The following SLC10A7 variants were observed in gnomAD, a reference collection of about 807,000 sequenced individuals.
SLC10A7 encodes the protein solute carrier family 10 member 7, also known as sodium/bile acid cotransporter 7.
SLC10A7 carries 29 observed loss-of-function variants against 43.2 expected under a neutral mutation model. The ratio of observed to expected loss-of-function variants is 0.67; its 90% confidence interval spans 0.50 to 0.92. The LOEUF (loss-of-function observed/expected upper bound fraction) is 0.92, where lower values mean the gene tolerates loss of function less well. Ranked by LOEUF, SLC10A7 falls within the 40% of genes least tolerant of loss-of-function variation. The pLI is 0.00. For synonymous variants in SLC10A7, 152 were observed against 144.8 expected (o/e 1.05, Z -0.35); for missense variants, 295 against 403.2 (o/e 0.73, Z 2.30).
intron 5 of SLC10A7, among the ~76,000 whole-genome samples, chr4:146,389,928 A>T (rs1333829732): frequency 6.6e-6 from 1 of 152,232 alleles, no homozygotes; most frequent in African/African-American, 2.4e-5. Flanking sequence ...CACTTAGCAC[A>T]GTTGCCTAGC....
At chr4:146,510,538 C>T (rs143554602) in intron 2 of SLC10A7, among the ~76,000 whole-genome samples, 35 of 152,248 alleles carry the variant, frequency 2.3e-4, no homozygotes, top group Non-Finnish European at 4.4e-4. Flanking sequence ...GGATTACAGG[C>T]ATGAGCCACC....
intron 5 of SLC10A7, among the ~76,000 whole-genome samples, chr4:146,360,911 C>T (rs1174061968): frequency 1.3e-5 from 2 of 152,094 alleles, no homozygotes; most frequent in African/African-American, 4.8e-5. Context: ...TTAGGTCACC[C>T]CCCGGCTCAC....
intron 5 of SLC10A7, among the ~76,000 whole-genome samples, chr4:146,368,370 A>C (rs2244321): frequency 0.011 from 1,662 of 152,312 alleles, 25 homozygotes; most frequent in African/African-American, 0.037. Context: ...TAAGAGTTTG[A>C]AAGCTTAACA....
In SLC10A7 at chr4:146,256,495, A is replaced by G. The variant is rs771851926; in HGVS notation, c.1019T>C (p.Val340Ala). ...QKGVKLTRPTV is the reference protein window; with the variant it reads ...QKGVKLTRPTA ...ACAGAAAGTCCACCTCCTTTGTTAT[A>G]CTGTCGGCCTTGTCAGCTTCACTCC... The change falls in exon 12 of 12, where the codon GTA becomes GCA. Residue 340 changes from valine to alanine, a missense_variant. By Grantham distance (64) the Val-to-Ala change is moderately conservative. Around this residue, in one of 2 missense-constraint regions of SLC10A7, gnomAD observed 242 missense variants for 362.5 expected, o/e 0.67. Transcript: ENST00000335472. 6 of 1,613,930 alleles carry G rather than the reference A, an allele frequency of 3.7e-6. No individual in the cohort carries two copies. In the Admixed American group the frequency reaches 1.0e-4, roughly 27 times the overall value.
Position 146,389,933 on chromosome 4 carries a change from C to T in SLC10A7, c.435+52850G>A, listed in dbSNP as rs575249518. Among the ~76,000 whole-genome samples, 9 of 152,262 alleles carry T rather than the reference C, an allele frequency of 5.9e-5. No individual in the cohort carries two copies. The East Asian group carries it at 1.7e-3, about 29-fold the overall frequency. On this transcript the variant is annotated intron_variant, in intron 5 of 11. Coordinates refer to ENST00000335472, the MANE Select transcript of SLC10A7 (RefSeq NM_001029998.6). ...GATGCCAAATCACTTAGCACAGTTG[C>T]CTAGCTTAATAGATGCTCAATAAAT... is the stretch of plus-strand genomic sequence containing the variant.
intron 6 of SLC10A7, among the ~76,000 whole-genome samples, chr4:146,310,037 A>G (rs2149686617): frequency 6.6e-6 from 1 of 152,110 alleles, no homozygotes; most frequent in African/African-American, 2.4e-5. Context: ...AGTACCCAAT[A>G]TCCAAGCTCC....
chr4:146,361,116 T>C (rs564450874), intron 5 of SLC10A7, among the ~76,000 whole-genome samples: 2 of 152,244 alleles, frequency 1.3e-5, no homozygotes, highest in South Asian at 2.1e-4. Flanking sequence ...TCTCCTATCA[T>C]AGCATTTATC....
intron 5 of SLC10A7, among the ~76,000 whole-genome samples, chr4:146,421,119 G>A (rs901815118): frequency 6.6e-6 from 1 of 152,070 alleles, no homozygotes; most frequent in Non-Finnish European, 1.5e-5. Flanking sequence ...ATTTATGAAT[G>A]CTTGCTAATG....
At chr4:146,263,775 C>CA (rs1048213881) in intron 10 of SLC10A7, among the ~76,000 whole-genome samples, 1 of 152,142 alleles carries the variant, frequency 6.6e-6, no homozygotes, top group Non-Finnish European at 1.5e-5. Flanking sequence ...AAACATTAAT[C>CA]AAAAAATGCC....
At chr4:146,471,767 TA>T (rs1313073585) in intron 4 of SLC10A7, among the ~76,000 whole-genome samples, 1 of 152,158 alleles carries the variant, frequency 6.6e-6, no homozygotes, top group Admixed American at 6.5e-5. Flanking sequence ...AAATGAGAAG[TA>T]AAATAATTTA....
At chr4:146,388,985 T>C (rs939560558) in intron 5 of SLC10A7, among the ~76,000 whole-genome samples, 3 of 152,158 alleles carry the variant, frequency 2.0e-5, no homozygotes, top group Non-Finnish European at 2.9e-5. Flanking sequence ...TTGCAAGCTA[T>C]GCAGCCAACA....
intron 5 of SLC10A7, among the ~76,000 whole-genome samples, chr4:146,373,809 T>C (rs1270620959): frequency 1.3e-5 from 2 of 152,094 alleles, no homozygotes; most frequent in African/African-American, 4.8e-5. Context: ...CCAAGTTATT[T>C]TAATATACAA....
In SLC10A7 at chr4:146,374,420, C is replaced by T. The variant is rs150721789; in HGVS notation, c.436-48424G>A. On this transcript the variant is annotated intron_variant, in intron 5 of 11. Coordinates refer to ENST00000335472, the MANE Select transcript of SLC10A7 (RefSeq NM_001029998.6). ...CCTGGGCAACATGGTGAAATTCCCT[C>T]GCTACTAAAAATACAGAAACTAGCT... 2.2e-3 allele frequency among the ~76,000 whole-genome samples: 327 copies of T among 151,896 alleles called. 3 individuals carry two copies. The highest frequency in any genetic ancestry group is 6.6e-3 in the African/African-American group (273 of 41,404).
intron 5 of SLC10A7, among the ~76,000 whole-genome samples, chr4:146,342,667 C>A (rs904589389): frequency 2.0e-5 from 3 of 151,500 alleles, no homozygotes; most frequent in African/African-American, 4.8e-5. Context: ...TACTTTAGAG[C>A]ATTCTATTTA....
intron 5 of SLC10A7, among the ~76,000 whole-genome samples, chr4:146,383,822 A>T (rs1221728926): frequency 6.6e-6 from 1 of 152,178 alleles, no homozygotes; most frequent in Non-Finnish European, 1.5e-5. Context: ...GACAACAACA[A>T]GCTAATAATA....
intron 4 of SLC10A7, among the ~76,000 whole-genome samples, chr4:146,443,605 G>A (rs931618288): frequency 2.6e-5 from 4 of 152,086 alleles, no homozygotes; most frequent in African/African-American, 9.7e-5. Context: ...ATAATAAAAG[G>A]GGTAGAGAGA....
chr4:146,421,249 T>C (rs539068794), intron 5 of SLC10A7, among the ~76,000 whole-genome samples: 2 of 152,164 alleles, frequency 1.3e-5, no homozygotes, highest in African/African-American at 4.8e-5. Flanking sequence ...GGTCCTTGCA[T>C]ACAGTAGTCA....
chr4:146,450,103 A>T (rs1267700064), intron 4 of SLC10A7, among the ~76,000 whole-genome samples: 1 of 152,138 alleles, frequency 6.6e-6, no homozygotes, highest in Non-Finnish European at 1.5e-5. Flanking sequence ...GCTAAAACAA[A>T]CAAACAAACA....
At chr4:146,403,290 T>C (rs1739347553) in intron 5 of SLC10A7, among the ~76,000 whole-genome samples, 1 of 152,202 alleles carries the variant, frequency 6.6e-6, no homozygotes, top group Middle Eastern at 3.2e-3. Flanking sequence ...AGTTTTAACA[T>C]TAATTTCTGG....
Sources: gnomAD v4.1 joint callset for allele counts (sites outside exome capture counted in the v4.1 genomes callset) on GRCh38, gnomAD v4.1.1 for gene constraint, gnomAD v4.1.1 regional missense constraint, MANE v1.5 for transcripts, NCBI Gene and HGNC (gene_info 2026-07-23, HGNC 2026-07-21) for gene names.